Variants in DCLK2 observed in about 807,000 individuals in gnomAD.
The protein encoded by DCLK2 is serine/threonine-protein kinase DCLK2.
In DCLK2, 31 loss-of-function variants were observed where a neutral mutation model predicts 78.4. The observed-to-expected ratio is 0.40, with a 90% CI of 0.30 to 0.53. DCLK2 has a LOEUF of 0.53. Ranked by LOEUF, DCLK2 falls within the 20% of genes least tolerant of loss-of-function variation. The probability of loss-of-function intolerance (pLI) is 0.61; values close to 1 mark genes in which losing one functional copy is unlikely to be tolerated. For synonymous variants in DCLK2, 407 were observed against 374.9 expected (o/e 1.09, Z -0.99); for missense variants, 872 against 973.7 (o/e 0.90, Z 1.39).
chr4:150,178,433 T>A (rs1737242917), intron 2 of DCLK2, among the ~76,000 whole-genome samples: 1 of 152,150 alleles, frequency 6.6e-6, no homozygotes, highest in African/African-American at 2.4e-5. Flanking sequence ...GATGGCATGC[T>A]TTTCGTTTCT....
At chr4:150,146,356 C>G (rs759526075) in intron 2 of DCLK2, among the ~76,000 whole-genome samples, 48 of 152,198 alleles carry the variant, frequency 3.2e-4, no homozygotes, top group Non-Finnish European at 5.6e-4. Flanking sequence ...ACAAAGTCCT[C>G]AGCTATTTGT....
intron 1 of DCLK2, among the ~76,000 whole-genome samples, chr4:150,098,104 A>C (rs999218931): frequency 2.0e-5 from 3 of 152,132 alleles, no homozygotes. Flanking sequence ...GGAAGGATCT[A>C]AGGAAACGGG....
intron 2 of DCLK2, among the ~76,000 whole-genome samples, chr4:150,132,783 G>T (rs547772112): frequency 6.6e-6 from 1 of 152,082 alleles, no homozygotes. Context: ...TATAGAGACC[G>T]TACCTGGCTA....
intron 2 of DCLK2, among the ~76,000 whole-genome samples, chr4:150,149,381 G>A (rs1734728981): frequency 6.6e-6 from 1 of 152,162 alleles, no homozygotes; most frequent in African/African-American, 2.4e-5. Context: ...AAACAGAACT[G>A]ACTCTTGGTA....
chr4:150,098,671 T>C (rs898970495), intron 1 of DCLK2, among the ~76,000 whole-genome samples: 1 of 151,324 alleles, frequency 6.6e-6, no homozygotes, highest in Non-Finnish European at 1.5e-5. Context: ...TAACAAAGTC[T>C]CTCATACTGT....
At position 150,094,823 on chromosome 4, in the gene DCLK2, A is replaced by G. The variant is rs115301811; in HGVS notation, c.422-7655A>G. ...GAAGGTACAGTCAGTTTTTTGAGGGAGCTTCTAGTCTAGACAGTGGCTTGT... is the reference window on the plus strand; with the variant it reads ...GAAGGTACAGTCAGTTTTTTGAGGGGGCTTCTAGTCTAGACAGTGGCTTGT... On this transcript the variant is annotated intron_variant, in intron 1 of 15. Transcript: ENST00000296550. Among the ~76,000 whole-genome samples, 1,206 of 152,250 alleles carry G rather than the reference A, an allele frequency of 7.9e-3. 9 individuals are homozygous for G. Among genetic ancestry groups the G allele is most frequent in the Non-Finnish European group, 0.014 (939 of 68,014 alleles).
intron 2 of DCLK2, among the ~76,000 whole-genome samples, chr4:150,119,307 C>T (rs1411490999): frequency 6.6e-6 from 1 of 152,038 alleles, no homozygotes; most frequent in African/African-American, 2.4e-5. Context: ...ATCCTCTGAG[C>T]GACTTATTGT....
intron 15 of DCLK2, among the ~76,000 whole-genome samples, chr4:150,250,436 G>A (rs1743680115): frequency 6.6e-6 from 1 of 152,108 alleles, no homozygotes. Context: ...GCAACCCTGG[G>A]CGGGAAGGCC....
chr4:150,250,170 G>T (rs1421967295), intron 15 of DCLK2, among the ~76,000 whole-genome samples: 1 of 152,078 alleles, frequency 6.6e-6, no homozygotes, highest in Admixed American at 6.5e-5. Context: ...GCTTTTAAAG[G>T]TACATAATCA....
intron 5 of DCLK2, among the ~76,000 whole-genome samples, chr4:150,208,852 G>C (rs1322830434): frequency 6.6e-6 from 1 of 152,112 alleles, no homozygotes; most frequent in Non-Finnish European, 1.5e-5. Flanking sequence ...AGCGTTTTTG[G>C]TTTTCTTTGG....
chr4:150,126,095 G>T (rs1350897979), intron 2 of DCLK2, among the ~76,000 whole-genome samples: 1 of 152,138 alleles, frequency 6.6e-6, no homozygotes, highest in East Asian at 1.9e-4. Context: ...CTATGAGAGT[G>T]GACTCACAAA....
At chr4:150,248,910 C>G (rs1285689217) in intron 14 of DCLK2, among the ~76,000 whole-genome samples, 1 of 151,760 alleles carries the variant, frequency 6.6e-6, no homozygotes, top group Non-Finnish European at 1.5e-5. Context: ...GAAACATGAT[C>G]CAATAAATGG....
At chr4:150,221,048 A>G (rs1023159786) in intron 6 of DCLK2, among the ~76,000 whole-genome samples, 1 of 152,252 alleles carries the variant, frequency 6.6e-6, no homozygotes, top group Non-Finnish European at 1.5e-5. Context: ...CAACTTCTAA[A>G]TATATTTCCT....
At chr4:150,185,079 GA>G (rs2126307349) in intron 2 of DCLK2, among the ~76,000 whole-genome samples, 1 of 152,270 alleles carries the variant, frequency 6.6e-6, no homozygotes, top group East Asian at 1.9e-4. Flanking sequence ...AAATACCTGA[GA>G]CTGGGTGATT....
chr4:150,206,782 C>T (rs1739876957), intron 5 of DCLK2, among the ~76,000 whole-genome samples: 1 of 152,208 alleles, frequency 6.6e-6, no homozygotes, highest in Non-Finnish European at 1.5e-5. Context: ...TCTCTAACTA[C>T]TACCTATTCT....
At chr4:150,144,841 C>T (rs1026015548) in intron 2 of DCLK2, among the ~76,000 whole-genome samples, 1 of 152,210 alleles carries the variant, frequency 6.6e-6, no homozygotes, top group Admixed American at 6.5e-5. Flanking sequence ...CTGCCTTGGC[C>T]TCCCAAAGTG....
chr4:150,180,091 T>C (rs1169658292), intron 2 of DCLK2, among the ~76,000 whole-genome samples: 2 of 152,236 alleles, frequency 1.3e-5, no homozygotes, highest in African/African-American at 4.8e-5. Context: ...AGCCCTGTTA[T>C]GTTTTTTCAT....
intron 1 of DCLK2, among the ~76,000 whole-genome samples, chr4:150,080,333 A>G (rs1305743764): frequency 1.3e-5 from 2 of 152,166 alleles, no homozygotes; most frequent in African/African-American, 2.4e-5. Flanking sequence ...GGTCAAAGAG[A>G]CTGCTTGGCT....
intron 11 of DCLK2, 43 bp from the exon 12 acceptor site, chr4:150,240,356 G>A (rs1213488724): frequency 1.3e-6 from 2 of 1,571,510 alleles, no homozygotes; most frequent in Non-Finnish European, 1.8e-6. Context: ...AAGGGTCTTG[G>A]GAGCCATCAG....
Sources: allele counts gnomAD v4.1 joint callset (sites outside exome capture counted in the v4.1 genomes callset), GRCh38; gene constraint gnomAD v4.1.1; transcripts MANE v1.5; gene names NCBI Gene and HGNC (gene_info 2026-07-23, HGNC 2026-07-21).